CRACDL: variants seen among roughly 807,000 people sequenced by gnomAD.
CRACDL encodes the protein CRACD-like protein.
In CRACDL, 26 loss-of-function variants were observed where a neutral mutation model predicts 70.6. The ratio of observed to expected loss-of-function variants is 0.37; its 90% CI spans 0.27 to 0.51. The LOEUF (loss-of-function observed/expected upper bound fraction) is 0.51, where lower values mean the gene tolerates loss of function less well. CRACDL is among the 20% of genes least tolerant of loss of function. The pLI, the probability that CRACDL is intolerant of heterozygous loss-of-function variation, is 0.94. For synonymous variants in CRACDL, 618 were observed against 615.2 expected (o/e 1.00, Z -0.07); for missense variants, 1,283 against 1,376.9 (o/e 0.93, Z 1.08).
rs373425039 is a variant in CRACDL, at chr2:98,795,323, G to A, written c.2750-652C>T. Among the ~76,000 whole-genome samples, 24 of 151,898 alleles carry A rather than the reference G, an allele frequency of 1.6e-4. No homozygotes were observed. The East Asian group carries it at 4.3e-3, about 27-fold the overall frequency. On this transcript the variant is annotated intron_variant, in intron 9 of 9. Transcript: ENST00000397899. ...ACTCCTGACCTCAGGTGATCTGCCC[G>A]ACTCGGCCTCCCAAAGTGCTGGGAT...
chr2:98,921,278 T>C (rs1172944114), intron 1 of CRACDL, among the ~76,000 whole-genome samples: 1 of 152,220 alleles, frequency 6.6e-6, no homozygotes, highest in African/African-American at 2.4e-5. Flanking sequence ...TGAGTCAGTC[T>C]GGCAGGGCGC....
At chr2:98,909,554 C>T (rs1018226960) in intron 1 of CRACDL, among the ~76,000 whole-genome samples, 1 of 152,198 alleles carries the variant, frequency 6.6e-6, no homozygotes, top group Non-Finnish European at 1.5e-5. Context: ...ACAAATTGAG[C>T]TGTCAGGCTG....
chr2:98,855,181 G>C (rs1272768655), intron 1 of CRACDL, among the ~76,000 whole-genome samples: 1 of 151,944 alleles, frequency 6.6e-6, no homozygotes, highest in Admixed American at 6.6e-5. Flanking sequence ...TTGGGAGGCT[G>C]AGGCAAGAGA....
chr2:98,820,278 C>T lies in CRACDL; in HGVS notation c.2416+1579G>A, dbSNP rs188913350. Among the ~76,000 whole-genome samples, 767 of 151,870 alleles carry T rather than the reference C, an allele frequency of 5.1e-3. 6 individuals carry two copies. The highest frequency in any genetic ancestry group is 0.018 in the African/African-American group (725 of 41,420). On this transcript the variant is annotated intron_variant, in intron 7 of 9. Coordinates refer to ENST00000397899, the MANE Select transcript of CRACDL (RefSeq NM_207362.3). ...GGCATGGTGGCTCATGTCTGTAATC[C>T]CAGCACTTTGGGAGGCTGAGGCGGG... is the stretch of plus-strand genomic sequence containing the variant.
chr2:98,823,187 CG>C lies in CRACDL; in HGVS notation c.1085del (p.Pro362ArgfsTer137). 2.7e-6 allele frequency: 4 copies of C among 1,489,922 alleles called. No homozygotes were observed. Among genetic ancestry groups the C allele is most frequent in the Non-Finnish European group, 2.7e-6 (3 of 1,121,494 alleles). 92.3% of individuals were successfully genotyped at this position (1,489,922 alleles called of 1,614,324 possible). On this transcript the variant is annotated frameshift_variant, in exon 7 of 10. Transcript: ENST00000397899. LOFTEE classifies it high-confidence loss of function. The surrounding 1 kb of genome is among the most constrained non-coding windows in gnomAD (Gnocchi z 4.0). ...VEPPSPPEGP[P>X]NPGPDGGKQD... Reference sequence around the variant, plus strand: ...GCTTTCCGCCGTCGGGACCGGGATTCGGGGGGCCCTCCGGCGGGGACGGGGG... The same window carrying C: ...GCTTTCCGCCGTCGGGACCGGGATTCGGGGGCCCTCCGGCGGGGACGGGGG...
chr2:98,851,241 G>A (rs1706469520), intron 1 of CRACDL, among the ~76,000 whole-genome samples: 1 of 152,158 alleles, frequency 6.6e-6, no homozygotes, highest in Non-Finnish European at 1.5e-5. Flanking sequence ...TGAGGGGTGA[G>A]TGCTATGCCT....
At position 98,799,514 on chromosome 2, in the gene CRACDL, T is replaced by C. The variant is rs1053990603; in HGVS notation, c.2417-1977A>G. On this transcript the variant is annotated intron_variant, in intron 7 of 9. Transcript: ENST00000397899. ...CTGACTGGCCCCCTGGGAATCCTGC[T>C]GCACCTCTTGGACTCATCCTACCCC... Among the ~76,000 whole-genome samples, 32 of 152,168 alleles carry C rather than the reference T, an allele frequency of 2.1e-4. 1 individual carries two copies. Among genetic ancestry groups the C allele is most frequent in the Admixed American group, 1.6e-3 (24 of 15,284 alleles).
chr2:98,825,076 A>ACCTT (rs1705246995), intron 6 of CRACDL, among the ~76,000 whole-genome samples: 1 of 151,812 alleles, frequency 6.6e-6, no homozygotes, highest in Non-Finnish European at 1.5e-5. Context: ...ATCTGAAAGC[A>ACCTT]CCTTGATCCC....
chr2:98,853,762 A>G (rs1180358108), intron 1 of CRACDL, among the ~76,000 whole-genome samples: 1 of 152,226 alleles, frequency 6.6e-6, no homozygotes, highest in African/African-American at 2.4e-5. Context: ...TGACTAGACT[A>G]TCACAAGGTT....
rs554269504 is a variant in CRACDL, at chr2:98,865,404, T to C, written c.-10-18594A>G. Among the ~76,000 whole-genome samples the C allele has an allele frequency of 5.3e-5, 8 of 152,282 alleles. No individual in the cohort carries two copies. The South Asian group carries it at 1.2e-3, about 24-fold the overall frequency. ...ACAAAACTTACCCATTTTACATGTA[T>C]ACATGTTTGTGTGATTCTTTGATCC... On this transcript the variant is annotated intron_variant, in intron 1 of 9. Coordinates refer to ENST00000397899, the MANE Select transcript of CRACDL (RefSeq NM_207362.3).
Position 98,796,202 on chromosome 2 carries a change from G to A in CRACDL, c.2667C>T (p.Pro889=), listed in dbSNP as rs201058038. 21 of 1,614,026 alleles carry A rather than the reference G, an allele frequency of 1.3e-5. No individual in the cohort carries two copies. Among genetic ancestry groups the A allele is most frequent in the South Asian group, 2.2e-5 (2 of 91,084 alleles). ...TTGCCCCCTGCTTCCGGTCCACAGC[G>A]GGCTTCACAGGGGTTATCAGGAAAG... The part of the protein sequence containing the change: ...SKSFLITPVK[P]AVDRKQGAKL... The change falls in exon 9 of 10, where the codon CCC becomes CCT. Residue 889 remains proline, a synonymous_variant. Coordinates refer to ENST00000397899, the MANE Select transcript of CRACDL (RefSeq NM_207362.3).
chr2:98,833,990 G>C (rs1705660345), intron 3 of CRACDL, among the ~76,000 whole-genome samples: 1 of 152,232 alleles, frequency 6.6e-6, no homozygotes, highest in African/African-American at 2.4e-5. Flanking sequence ...GCCTGCAACA[G>C]TAAGCTTGCA....
chr2:98,838,356 CA>C (rs1705884328), intron 2 of CRACDL, 69 bp from the exon 3 acceptor site: 1 of 846,572 alleles, frequency 1.2e-6, no homozygotes, highest in Non-Finnish European at 1.8e-6. Flanking sequence ...ATGTATGCAA[CA>C]GGCACGTAAA....
At chr2:98,827,253 G>T in intron 5 of CRACDL, 84 bp from the exon 6 acceptor site, 1 of 938,896 alleles carries the variant, frequency 1.1e-6, no homozygotes. Context: ...GCTCTTTTCT[G>T]CCCAGGCTGT....
intron 7 of CRACDL, among the ~76,000 whole-genome samples, chr2:98,797,831 CAAAT>C (rs1703893624): frequency 1.3e-5 from 2 of 152,258 alleles, no homozygotes; most frequent in South Asian, 4.1e-4. Flanking sequence ...AATAAGTACA[CAAAT>C]AGATAAAATT....
In CRACDL at chr2:98,823,300, C is replaced by T. The variant is rs747217856; in HGVS notation, c.973G>A (p.Gly325Arg). ...GAGGGGTCCTCCCCGGGGACGCCCCCCTCCTCCACGCTGGCCGTGAGCGCG... is the reference window on the plus strand; with the variant it reads ...GAGGGGTCCTCCCCGGGGACGCCCCTCTCCTCCACGCTGGCCGTGAGCGCG... The part of the protein sequence containing the change: ...SSALTASVEE[G>R]GVPGEDPSSR... The change falls in exon 7 of 10, where the codon GGG becomes AGG. Residue 325 changes from glycine (G) to arginine (R), a missense_variant. Transcript: ENST00000397899. The surrounding 1 kb of genome is among the most constrained non-coding windows in gnomAD (Gnocchi z 4.0). 1 of 1,426,968 alleles carries T rather than the reference C, an allele frequency of 7.0e-7. No homozygotes were observed. Among genetic ancestry groups the T allele is most frequent in the Non-Finnish European group, 9.1e-7 (1 of 1,101,640 alleles). 88.4% of individuals were successfully genotyped at this position (1,426,968 alleles called of 1,614,324 possible).
chr2:98,880,154 T>C (rs950067878), intron 1 of CRACDL, among the ~76,000 whole-genome samples: 9 of 152,210 alleles, frequency 5.9e-5, no homozygotes, highest in Admixed American at 5.9e-4. Flanking sequence ...ACAGGTTATG[T>C]TGGACGCAGC....
At chr2:98,803,124 C>T (rs926116968) in intron 7 of CRACDL, among the ~76,000 whole-genome samples, 2 of 151,916 alleles carry the variant, frequency 1.3e-5, no homozygotes, top group Non-Finnish European at 2.9e-5. Flanking sequence ...CTCAGCCTCC[C>T]GAGTAGCTGG....
At chr2:98,926,380 C>T (rs1349095955) in intron 1 of CRACDL, among the ~76,000 whole-genome samples, 2 of 152,190 alleles carry the variant, frequency 1.3e-5, no homozygotes, top group Non-Finnish European at 2.9e-5. Flanking sequence ...GGGGGCTGGG[C>T]GCCTTCTTTC....
Sources: allele counts gnomAD v4.1 joint callset (sites outside exome capture counted in the v4.1 genomes callset), GRCh38; gene constraint gnomAD v4.1.1; non-coding constraint Gnocchi (gnomAD v3.1); transcripts MANE v1.5; gene names NCBI Gene and HGNC (gene_info 2026-07-23, HGNC 2026-07-21).